Variants in KALRN observed in about 807,000 individuals in gnomAD.
The protein encoded by KALRN is kalirin RhoGEF kinase, also known as kalirin.
Under a neutral mutation model 353.7 loss-of-function variants are expected in KALRN, and 70 were observed. The ratio of observed to expected loss-of-function variants is 0.20; its 90% CI spans 0.16 to 0.24. The LOEUF (loss-of-function observed/expected upper bound fraction) is 0.24, where lower values mean the gene tolerates loss of function less well. Among genes scored for constraint, KALRN ranks in the 10% least tolerant of loss-of-function variants. The probability of loss-of-function intolerance (pLI) is 1.00; values close to 1 mark genes in which losing one functional copy is unlikely to be tolerated. For missense variants in KALRN, 2,791 were observed against 3,756.7 expected, an observed-to-expected ratio of 0.74 and a Z score of 6.72; for synonymous variants, 1,391 against 1,434.8, an observed-to-expected ratio of 0.97 and a Z score of 0.69.
chr3:124,099,153 A>G (rs1458800820), intron 1 of KALRN, among the ~76,000 whole-genome samples: 1 of 152,204 alleles, frequency 6.6e-6, no homozygotes, highest in African/African-American at 2.4e-5. Flanking sequence ...GAACTATACA[A>G]TATAGTGTTA....
At chr3:124,061,060 G>A (rs576072173) in intron 1 of KALRN, among the ~76,000 whole-genome samples, 5 of 152,314 alleles carry the variant, frequency 3.3e-5, no homozygotes, top group Admixed American at 6.5e-5. Flanking sequence ...AGACAGTGAC[G>A]ATAGGGCCTT....
chr3:124,366,806 C>T (rs572557349), intron 10 of KALRN, among the ~76,000 whole-genome samples: 19 of 151,104 alleles, frequency 1.3e-4, no homozygotes, highest in Admixed American at 3.3e-4. Flanking sequence ...CCTCACCTCC[C>T]GGACGGGGTG....
At chr3:124,140,726 A>G (rs1200721619) in intron 1 of KALRN, among the ~76,000 whole-genome samples, 2 of 152,066 alleles carry the variant, frequency 1.3e-5, no homozygotes, top group African/African-American at 4.8e-5. Context: ...GTCCATTCCC[A>G]TTCTCCCTGT....
chr3:124,375,305 G>T (rs1325480884), intron 10 of KALRN, among the ~76,000 whole-genome samples: 1 of 152,194 alleles, frequency 6.6e-6, no homozygotes, highest in East Asian at 1.9e-4. Flanking sequence ...TCTCCTAATT[G>T]CTCAGCTATC....
intron 15 of KALRN, among the ~76,000 whole-genome samples, chr3:124,429,748 A>G (rs1329765115): frequency 6.6e-6 from 1 of 152,214 alleles, no homozygotes; most frequent in Non-Finnish European, 1.5e-5. Flanking sequence ...GTGATTGTTA[A>G]CATCACATAG....
intron 3 of KALRN, among the ~76,000 whole-genome samples, chr3:124,237,631 G>C (rs1031049360): frequency 6.6e-6 from 1 of 152,116 alleles, no homozygotes. Context: ...CCAAAGTGCT[G>C]GGATTACAGG....
rs2150203057 is a variant in KALRN at position 124,659,366 on chromosome 3, A to G, written c.6125A>G (p.Glu2042Gly). 1 of 1,607,176 alleles carries G rather than the reference A, an allele frequency of 6.2e-7. No homozygotes were observed. Among genetic ancestry groups the G allele is most frequent in the East Asian group, 2.2e-5 (1 of 44,832 alleles). The change falls in exon 43 of 60, where the codon GAG becomes GGG. Residue 2042 changes from glutamate (E) to glycine (G), a missense_variant and splice_region_variant. Transcript: ENST00000682506. ...CTAATATTGCTGCCTGTGTTTCAGG[A>G]GGTAAAACAGGAGATAAATCAGAGG... ...IVAEYDAYFE[E>G]VKQEINQRLT...
At chr3:124,075,920 C>T (rs2060237876) in intron 1 of KALRN, among the ~76,000 whole-genome samples, 1 of 152,176 alleles carries the variant, frequency 6.6e-6, no homozygotes, top group Non-Finnish European at 1.5e-5. Context: ...GAGGCTTGTG[C>T]TCTGAGTCAG....
intron 34 of KALRN, among the ~76,000 whole-genome samples, chr3:124,587,723 T>TG (rs2075349331): frequency 7.3e-6 from 1 of 136,650 alleles, no homozygotes; most frequent in African/African-American, 2.8e-5. Flanking sequence ...TTTTTTTTTT[T>TG]GATACAGGGT....
intron 1 of KALRN, chr3:124,152,801 G>A (rs2068356690): frequency 3.5e-6 from 1 of 285,424 alleles, no homozygotes; most frequent in African/African-American, 2.3e-5. Context: ...GTTTTTCATT[G>A]AGACGGGGTT....
chr3:124,095,380 G>A (rs2061379425), intron 1 of KALRN, among the ~76,000 whole-genome samples: 2 of 152,116 alleles, frequency 1.3e-5, no homozygotes, highest in African/African-American at 4.8e-5. Flanking sequence ...TATAAAATGG[G>A]CACAGTAAGA....
At chr3:124,558,098 T>C (rs2071498350) in intron 33 of KALRN, among the ~76,000 whole-genome samples, 1 of 152,098 alleles carries the variant, frequency 6.6e-6, no homozygotes, top group Non-Finnish European at 1.5e-5. Context: ...GTTCTTCTAG[T>C]TAGGGCAAAA....
intron 15 of KALRN, among the ~76,000 whole-genome samples, chr3:124,427,162 AT>A (rs1347235319): frequency 5.3e-5 from 8 of 152,210 alleles, no homozygotes; most frequent in Non-Finnish European, 8.8e-5. Context: ...ATTGAAGTAG[AT>A]CCAAAAGAGG....
In KALRN at chr3:124,267,599, A is replaced by T. The variant is rs181527461; in HGVS notation, c.457-1144A>T. Among the ~76,000 whole-genome samples, 11 of 152,332 alleles carry T rather than the reference A, an allele frequency of 7.2e-5. No individual in the cohort carries two copies. The East Asian group carries it at 2.1e-3, about 29-fold the overall frequency. Reference sequence around the variant, plus strand: ...GGTATTTTTGCACACTCCCCAAAGGATTCTAATGAGCAGTCAAGTTTGACA... The same window carrying T: ...GGTATTTTTGCACACTCCCCAAAGGTTTCTAATGAGCAGTCAAGTTTGACA... On this transcript the variant is annotated intron_variant, in intron 4 of 59. Coordinates refer to ENST00000682506, the MANE Select transcript of KALRN (RefSeq NM_001388419.1).
At chr3:124,101,456 G>A (rs1000684205) in intron 1 of KALRN, among the ~76,000 whole-genome samples, 1 of 152,218 alleles carries the variant, frequency 6.6e-6, no homozygotes, top group Admixed American at 6.5e-5. Flanking sequence ...GCTTCATGGT[G>A]TTGGGCTCTA....
At chr3:124,145,933 G>T (rs924911247) in intron 1 of KALRN, among the ~76,000 whole-genome samples, 9 of 152,178 alleles carry the variant, frequency 5.9e-5, no homozygotes, top group Non-Finnish European at 1.2e-4. Flanking sequence ...TTCTCTTTAG[G>T]CAGGTTTTCA....
chr3:124,482,781 A>G, intron 27 of KALRN, 27 bp from the exon 28 acceptor site: 2 of 1,489,544 alleles, frequency 1.3e-6, no homozygotes, highest in Non-Finnish European at 1.9e-6. Context: ...CTCTGTGTCT[A>G]ATTGCACATT....
At chr3:124,274,455 A>G (rs1238997956) in intron 5 of KALRN, among the ~76,000 whole-genome samples, 1 of 152,260 alleles carries the variant, frequency 6.6e-6, no homozygotes, top group Non-Finnish European at 1.5e-5. Flanking sequence ...ATTTCTGAAT[A>G]AAGGAAGCTC....
chr3:124,667,012 A>T lies in KALRN; in HGVS notation c.6532A>T (p.Met2178Leu). The T allele has an allele frequency of 1.3e-6, 2 of 1,591,336 alleles. No individual in the cohort carries two copies. The highest frequency in any genetic ancestry group is 1.7e-6 in the Non-Finnish European group (2 of 1,164,696). The change falls in exon 47 of 60, where the codon ATG (methionine) becomes TTG (leucine). Residue 2178 changes from methionine (M) to leucine (L), a missense_variant and splice_region_variant. This residue lies in a region of KALRN where 1,065 missense variants were observed against 1,156.4 expected (regional missense o/e 0.92). Transcript: ENST00000682506. Reference sequence around the variant, plus strand: ...AAAGGATCAACTCGTTTTCTTCCAGATGAATTACTTGGTCCTGGAGGAGAA... The same window carrying T: ...AAAGGATCAACTCGTTTTCTTCCAGTTGAATTACTTGGTCCTGGAGGAGAA... Reference protein sequence around the residue: ...PGYMFKRSIKMNYLVLEENVD... With the variant: ...PGYMFKRSIKLNYLVLEENVD...
Sources: gnomAD v4.1 joint callset for allele counts (sites outside exome capture counted in the v4.1 genomes callset) on GRCh38, gnomAD v4.1.1 for gene constraint, gnomAD v4.1.1 regional missense constraint, MANE v1.5 for transcripts, NCBI Gene and HGNC (gene_info 2026-07-23, HGNC 2026-07-21) for gene names.